Variants in VPS13D observed in about 807,000 individuals in gnomAD.
VPS13D encodes the protein vacuolar protein sorting 13 homolog D.
A neutral mutation model predicts 461.9 loss-of-function variants in VPS13D; 187 were observed. That is an observed-to-expected ratio of 0.40 (90% CI 0.36 to 0.46). VPS13D has a LOEUF of 0.46. VPS13D is among the 20% of genes least tolerant of loss of function. VPS13D has a pLI of 0.60. For synonymous variants in VPS13D, 1,951 were observed against 1,986.3 expected (o/e 0.98, Z 0.47); for missense variants, 4,711 against 5,364.9 (o/e 0.88, Z 3.81).
At chr1:12,300,248 C>G (rs1344972944) in intron 25 of VPS13D, among the ~76,000 whole-genome samples, 1 of 131,796 alleles carries the variant, frequency 7.6e-6, no homozygotes, top group Non-Finnish European at 1.5e-5. Context: ...CACTCTGTTG[C>G]CAAGGCTGGA....
intron 24 of VPS13D, among the ~76,000 whole-genome samples, chr1:12,297,956 A>T (rs561465878): frequency 6.6e-6 from 1 of 152,348 alleles, no homozygotes; most frequent in African/African-American, 2.4e-5. Flanking sequence ...TTTTTCCATT[A>T]ACATATAACT....
At chr1:12,289,047 G>T (rs528092583) in intron 22 of VPS13D, among the ~76,000 whole-genome samples, 1 of 152,148 alleles carries the variant, frequency 6.6e-6, no homozygotes, top group South Asian at 2.1e-4. Flanking sequence ...TCACTGTGTT[G>T]GCCAGGCTAT....
chr1:12,470,872 C>T (rs74614445), intron 67 of VPS13D, among the ~76,000 whole-genome samples: 1,760 of 152,160 alleles, frequency 0.012, 39 homozygotes, highest in African/African-American at 0.039. Context: ...TTACCGGGTC[C>T]GTTACAGCTC....
Position 12,507,346 on chromosome 1 carries a change from T to A in VPS13D, c.13035+253T>A. Reference sequence around the variant, plus strand: ...ACAACGTTTGTGCCTCAGTTACCCGTAGATGTAGTGAGGGTAACAATACTT... The same window carrying A: ...ACAACGTTTGTGCCTCAGTTACCCGAAGATGTAGTGAGGGTAACAATACTT... On this transcript the variant is annotated intron_variant, in intron 69 of 69. Coordinates refer to ENST00000620676, the MANE Select transcript of VPS13D (RefSeq NM_015378.4). This position sits in a 1 kb window ranked among gnomAD's most constrained non-coding sequence, Gnocchi z 5.3. The A allele has an allele frequency of 2.8e-6, 2 of 715,914 alleles. No individual in the cohort carries two copies. The highest frequency in any genetic ancestry group is 5.1e-6 in the Non-Finnish European group (2 of 388,872). 44.3% of individuals were successfully genotyped at this position (715,914 alleles called of 1,614,324 possible).
At chr1:12,493,950 G>A (rs2100531283) in intron 67 of VPS13D, among the ~76,000 whole-genome samples, 1 of 152,350 alleles carries the variant, frequency 6.6e-6, no homozygotes, top group South Asian at 2.1e-4. Context: ...TGATACAGGA[G>A]TGGGGGGAAA....
intron 40 of VPS13D, among the ~76,000 whole-genome samples, chr1:12,339,798 C>G (rs771376471): frequency 6.6e-6 from 1 of 152,146 alleles, no homozygotes; most frequent in Non-Finnish European, 1.5e-5. Flanking sequence ...GCTTGGAGAC[C>G]TAAGCATTGT....
chr1:12,389,103 T>C (rs539395820), intron 60 of VPS13D, among the ~76,000 whole-genome samples: 1 of 152,306 alleles, frequency 6.6e-6, no homozygotes, highest in South Asian at 2.1e-4. Context: ...GAGTCCAATG[T>C]TCAAGGGCAG....
intron 26 of VPS13D, among the ~76,000 whole-genome samples, chr1:12,305,764 A>G (rs1157795680): frequency 2.0e-5 from 3 of 152,182 alleles, no homozygotes; most frequent in Non-Finnish European, 4.4e-5. Context: ...GTCTTGTTAC[A>G]TAGATCCGAG....
intron 67 of VPS13D, among the ~76,000 whole-genome samples, chr1:12,485,799 G>A (rs1186605083): frequency 1.3e-5 from 2 of 151,972 alleles, no homozygotes; most frequent in Non-Finnish European, 2.9e-5. Flanking sequence ...GTTAACACTG[G>A]GGGCACTTAA....
At chr1:12,318,362 T>C in intron 31 of VPS13D, 25 bp downstream of exon 31, 1 of 1,591,420 alleles carries the variant, frequency 6.3e-7, no homozygotes, top group Non-Finnish European at 8.6e-7. Flanking sequence ...GTGTGATTCA[T>C]TGGTGCTTAG....
At chr1:12,475,880 T>A (rs1375142244) in intron 67 of VPS13D, among the ~76,000 whole-genome samples, 5 of 149,708 alleles carry the variant, frequency 3.3e-5, no homozygotes, top group Middle Eastern at 3.2e-3. Flanking sequence ...GGCCAAGAAA[T>A]CAATGTTTAA....
At chr1:12,497,341 T>G in intron 67 of VPS13D, 159 bp from the exon 68 acceptor site, 1 of 757,498 alleles carries the variant, frequency 1.3e-6, no homozygotes, top group Non-Finnish European at 1.9e-6. Context: ...CTTTAACCGC[T>G]ATTTCATGGT....
chr1:12,282,123 C>T (rs964293665), intron 20 of VPS13D, among the ~76,000 whole-genome samples: 3 of 152,282 alleles, frequency 2.0e-5, no homozygotes, highest in Admixed American at 6.5e-5. Context: ...CCTGGGCTCA[C>T]ACAGTCTGCC....
chr1:12,296,055 T>G (rs1642266760), intron 24 of VPS13D, among the ~76,000 whole-genome samples: 1 of 152,220 alleles, frequency 6.6e-6, no homozygotes, highest in Non-Finnish European at 1.5e-5. Context: ...CCATTGCATT[T>G]CATTCTGTGT....
intron 67 of VPS13D, among the ~76,000 whole-genome samples, chr1:12,482,522 C>T (rs1443567944): frequency 2.0e-5 from 3 of 152,164 alleles, no homozygotes; most frequent in African/African-American, 4.8e-5. Context: ...TCTGAAAATA[C>T]ATACAATATA....
chr1:12,474,703 C>T (rs943734783), intron 67 of VPS13D, among the ~76,000 whole-genome samples: 1 of 152,158 alleles, frequency 6.6e-6, no homozygotes, highest in African/African-American at 2.4e-5. Context: ...TAAATGTTCC[C>T]TTTGTAATTC....
At chr1:12,266,463 G>C (rs1298980595) in intron 13 of VPS13D, among the ~76,000 whole-genome samples, 3 of 152,218 alleles carry the variant, frequency 2.0e-5, no homozygotes, top group Non-Finnish European at 4.4e-5. Flanking sequence ...TGTAGGCAAG[G>C]CCTTCCATCA....
At chr1:12,411,759 A>T (rs1300223085) in intron 63 of VPS13D, among the ~76,000 whole-genome samples, 1 of 152,192 alleles carries the variant, frequency 6.6e-6, no homozygotes, top group Non-Finnish European at 1.5e-5. Flanking sequence ...CCTGGCAGTT[A>T]AACGCGATTA....
Position 12,266,938 on chromosome 1 carries a change from G to A in VPS13D, c.1652G>A (p.Arg551Gln), listed in dbSNP as rs772428099. 2.5e-5 allele frequency: 41 copies of A among 1,609,876 alleles called. No individual in the cohort carries two copies. The highest frequency in any genetic ancestry group is 4.5e-5 in the East Asian group (2 of 44,804). The change falls in exon 14 of 70, where the codon CGG (arginine) becomes CAG (glutamine). Residue 551 changes from arginine to glutamine, a missense_variant. Arg to Gln is a conservative substitution (Grantham distance 43, BLOSUM62 1). Coordinates refer to ENST00000620676, the MANE Select transcript of VPS13D (RefSeq NM_015378.4). ...PRRNSSLLSVRLGGLFLRDLA... is the reference protein window; with the variant it reads ...PRRNSSLLSVQLGGLFLRDLA... ...AGAAATTCCTCGTTGCTTTCAGTCC[G>A]GTTGGGTGGACTGTTTCTTCGAGAC... is the stretch of plus-strand genomic sequence containing the variant.
Sources: gnomAD v4.1 joint callset for allele counts (sites outside exome capture counted in the v4.1 genomes callset) on GRCh38, gnomAD v4.1.1 for gene constraint, Gnocchi (gnomAD v3.1) non-coding constraint, MANE v1.5 for transcripts, NCBI Gene and HGNC (gene_info 2026-07-23, HGNC 2026-07-21) for gene names.